The following VOPP1 variants were observed in gnomAD, a reference collection of about 807,000 sequenced individuals.
VOPP1 encodes the protein WW domain binding protein VOPP1.
VOPP1 carries 8 observed loss-of-function variants against 23.5 expected under a neutral mutation model. The ratio of observed to expected loss-of-function variants is 0.34; its 90% CI spans 0.20 to 0.61. The LOEUF (loss-of-function observed/expected upper bound fraction) is 0.61. VOPP1 is among the 20% of genes least tolerant of loss of function. VOPP1 has a pLI of 0.78. For synonymous variants in VOPP1, 83 were observed against 97.3 expected (o/e 0.85, Z 0.86); for missense variants, 174 against 238.1 (o/e 0.73, Z 1.77).
intron 4 of VOPP1, among the ~76,000 whole-genome samples, chr7:55,454,812 A>G (rs1791326293): frequency 6.6e-6 from 1 of 152,180 alleles, no homozygotes; most frequent in Admixed American, 6.5e-5. Flanking sequence ...AAATAATAAG[A>G]GCTATTTATG....
chr7:55,497,091 C>T (rs1387475506), intron 3 of VOPP1, among the ~76,000 whole-genome samples: 1 of 152,242 alleles, frequency 6.6e-6, no homozygotes, highest in East Asian at 1.9e-4. Context: ...TTCCAGGATG[C>T]TGCAGGCATG....
chr7:55,438,433 T>C (rs1472017010), intron 4 of VOPP1, among the ~76,000 whole-genome samples: 2 of 152,042 alleles, frequency 1.3e-5, no homozygotes, highest in Non-Finnish European at 2.9e-5. Context: ...TAATAAATGA[T>C]ACAGAAAAAG....
At chr7:55,447,986 TATTC>T in intron 4 of VOPP1, among the ~76,000 whole-genome samples, 1 of 152,296 alleles carries the variant, frequency 6.6e-6, no homozygotes. Context: ...AAAAAACCAT[TATTC>T]ATTATCATTC....
Position 55,483,874 on chromosome 7 carries a change from AGCCTCCC to A in VOPP1, c.328+8401_328+8407del, listed in dbSNP as rs1792927697. Among the ~76,000 whole-genome samples the A allele has an allele frequency of 6.6e-5, 10 of 152,316 alleles. 1 individual carries two copies. In the South Asian group the frequency reaches 2.1e-3, roughly 32 times the overall value. ...TGGGTTCAAGCAATTCTCCTGTCTC[AGCCTCCC>A]GAGTAGCTGGGATTACAGGCACATG... On this transcript the variant is annotated intron_variant, in intron 4 of 4. Transcript: ENST00000285279.
At chr7:55,487,148 C>G (rs1386030302) in intron 4 of VOPP1, among the ~76,000 whole-genome samples, 1 of 152,174 alleles carries the variant, frequency 6.6e-6, no homozygotes, top group East Asian at 1.9e-4. Context: ...ATTAAACTGT[C>G]AAAACACCCT....
In VOPP1 at chr7:55,540,110, G is replaced by A. The variant is rs931136839; in HGVS notation, c.55-18980C>T. On this transcript the variant is annotated intron_variant, in intron 1 of 4. Transcript: ENST00000285279. ...TGTCTGTTTAGCTCATAAAATAAATGAACTCCCAGCCAGGCGCAGTGGCTC... is the reference window on the plus strand; with the variant it reads ...TGTCTGTTTAGCTCATAAAATAAATAAACTCCCAGCCAGGCGCAGTGGCTC... 2.0e-4 allele frequency among the ~76,000 whole-genome samples: 30 copies of A among 152,040 alleles called. 1 individual carries two copies. Among genetic ancestry groups the A allele is most frequent in the Middle Eastern group, 6.8e-3 (2 of 294 alleles).
chr7:55,556,480 A>G (rs1797808131), intron 1 of VOPP1, among the ~76,000 whole-genome samples: 1 of 151,962 alleles, frequency 6.6e-6, no homozygotes, highest in African/African-American at 2.4e-5. Flanking sequence ...AATAACCAAA[A>G]TGCATAACGT....
At chr7:55,535,323 T>C (rs138407122) in intron 1 of VOPP1, among the ~76,000 whole-genome samples, 14 of 152,270 alleles carry the variant, frequency 9.2e-5, no homozygotes, top group African/African-American at 3.4e-4. Flanking sequence ...GTGGGCTTCA[T>C]TACACAAACA....
downstream of VOPP1, among the ~76,000 whole-genome samples, chr7:55,468,209 G>A (rs1237577178): frequency 6.6e-6 from 1 of 151,180 alleles, no homozygotes; most frequent in Non-Finnish European, 1.5e-5. Flanking sequence ...AGGAGGAGGT[G>A]GAAGTGAGCT....
At position 55,524,549 on chromosome 7, in the gene VOPP1, G is replaced by A. The variant is rs1158751641; in HGVS notation, c.55-3419C>T. Among the ~76,000 whole-genome samples the A allele has an allele frequency of 2.0e-5, 3 of 152,282 alleles. No homozygotes were observed. The East Asian group carries it at 5.8e-4, about 29-fold the overall frequency. On this transcript the variant is annotated intron_variant, in intron 1 of 4. Coordinates refer to ENST00000285279, the MANE Select transcript of VOPP1 (RefSeq NM_030796.5). ...TACTAACTCACTACAGTTAATGCAT[G>A]GCATGATTCCATTTGACAGCCAGAT...
intron 1 of VOPP1, among the ~76,000 whole-genome samples, chr7:55,569,876 C>T (rs889812177): frequency 1.1e-4 from 17 of 152,130 alleles, no homozygotes; most frequent in Non-Finnish European, 1.2e-4. Context: ...CTAGATAGGG[C>T]CAGGGTGCTG....
chr7:55,568,648 T>C (rs554468238), intron 1 of VOPP1, among the ~76,000 whole-genome samples: 1 of 152,126 alleles, frequency 6.6e-6, no homozygotes, highest in Non-Finnish European at 1.5e-5. Context: ...ATTTCAAAAG[T>C]GTAACCAACC....
intron 1 of VOPP1, among the ~76,000 whole-genome samples, chr7:55,543,117 G>A (rs184379843): frequency 4.6e-5 from 7 of 151,918 alleles, no homozygotes; most frequent in African/African-American, 1.5e-4. Context: ...GGGTTTCACC[G>A]TGTTAGCCAG....
intron 4 of VOPP1, among the ~76,000 whole-genome samples, chr7:55,449,851 C>T (rs1438637083): frequency 6.6e-6 from 1 of 152,198 alleles, no homozygotes; most frequent in East Asian, 1.9e-4. Flanking sequence ...AACACGCCTA[C>T]TTCTGGGCAT....
At chr7:55,550,899 A>G (rs1230999130) in intron 1 of VOPP1, among the ~76,000 whole-genome samples, 1 of 152,222 alleles carries the variant, frequency 6.6e-6, no homozygotes. Flanking sequence ...TAAAGCAATT[A>G]AATTTTAGAG....
intron 4 of VOPP1, among the ~76,000 whole-genome samples, chr7:55,446,215 A>G (rs1042225250): frequency 4.9e-4 from 74 of 152,182 alleles, no homozygotes; most frequent in Admixed American, 1.2e-3. Context: ...GGATGGTCTC[A>G]ATCTCCTGAC....
intron 1 of VOPP1, chr7:55,531,027 G>T (rs1219891526): frequency 6.6e-6 from 1 of 152,190 alleles, no homozygotes; most frequent in Non-Finnish European, 1.5e-5. Context: ...TTCACTCTCA[G>T]AAATCACTTT....
At chr7:55,510,120 T>C (rs1165591195) in intron 2 of VOPP1, among the ~76,000 whole-genome samples, 3 of 152,218 alleles carry the variant, frequency 2.0e-5, no homozygotes, top group African/African-American at 7.2e-5. Context: ...GTAGAAGGCC[T>C]GGAAATTATG....
rs1283377386 is a variant in VOPP1 at position 55,472,248 on chromosome 7, C to A, written c.*607G>T. The A allele has an allele frequency of 6.7e-6, 1 of 149,606 alleles. No homozygotes were observed. The allele number at this position is 149,606 out of a possible 1,614,324, so 9.3% of individuals were successfully genotyped here. On this transcript the variant is annotated 3_prime_UTR_variant, in exon 5 of 5. Transcript: ENST00000285279. Reference sequence around the variant, plus strand: ...GCCCCATCCTGCGGTGAGAGCTGCACGTGCTACCCTTCCCTGGCGGTGCAG... The same window carrying A: ...GCCCCATCCTGCGGTGAGAGCTGCAAGTGCTACCCTTCCCTGGCGGTGCAG...
Sources: gnomAD v4.1 joint callset for allele counts (sites outside exome capture counted in the v4.1 genomes callset) on GRCh38, gnomAD v4.1.1 for gene constraint, MANE v1.5 for transcripts, NCBI Gene and HGNC (gene_info 2026-07-23, HGNC 2026-07-21) for gene names.